The following HMCN2 variants were observed in gnomAD, a reference collection of about 807,000 sequenced individuals.
HMCN2 encodes hemicentin-2.
A neutral mutation model predicts 377.5 loss-of-function variants in HMCN2; 325 were observed. The ratio of observed to expected loss-of-function variants is 0.86; its 90% confidence interval spans 0.79 to 0.94. HMCN2 has a LOEUF of 0.94. Among genes scored for constraint, HMCN2 ranks in the 40% least tolerant of loss-of-function variants. The probability of loss-of-function intolerance (pLI) is 0.00; values close to 1 mark genes in which losing one functional copy is unlikely to be tolerated. For synonymous variants in HMCN2, 2,007 were observed against 2,046.8 expected, an observed-to-expected ratio of 0.98 and a Z score of 0.53; for missense variants, 4,543 against 4,725.3, an observed-to-expected ratio of 0.96 and a Z score of 1.13.
chr9:130,398,743 G>A (rs1477678545), intron 75 of HMCN2, 36 bp downstream of exon 75: 4 of 1,281,060 alleles, frequency 3.1e-6, no homozygotes, highest in South Asian at 2.5e-5. Flanking sequence ...TTCCTGAGAC[G>A]CACAGGGCGG....
rs2131769811 is a variant in HMCN2 at position 130,414,823 on chromosome 9, T to C, written c.12962-3949T>C. On this transcript the variant is annotated intron_variant, in intron 85 of 97. Coordinates refer to ENST00000683500, the MANE Select transcript of HMCN2 (RefSeq NM_001291815.2). This position sits in a 1 kb window ranked among gnomAD's most constrained non-coding sequence, Gnocchi z 4.4. ...AGAGACAGGGTCTCCTTATGTTGCC[T>C]AAGCCAGTCTCAAACTCCTGGGCTC... Among the ~76,000 whole-genome samples the C allele has an allele frequency of 6.6e-6, 1 of 152,200 alleles. No homozygotes were observed. Among genetic ancestry groups the C allele is most frequent in the Middle Eastern group, 3.4e-3 (1 of 294 alleles).
chr9:130,426,819 C>A (rs551777126), intron 90 of HMCN2, among the ~76,000 whole-genome samples: 17 of 150,506 alleles, frequency 1.1e-4, no homozygotes. Context: ...TTATGTGTGA[C>A]CCAAGGCAAT....
chr9:130,403,634 C>T (rs1842957922), intron 79 of HMCN2, 107 bp from the exon 80 acceptor site: 2 of 1,142,052 alleles, frequency 1.8e-6, no homozygotes, highest in Non-Finnish European at 2.3e-6. Context: ...CATTCTGTGA[C>T]CCCAGCAAGT....
intron 82 of HMCN2, chr9:130,406,744 G>A (rs1564864735): frequency 6.4e-6 from 1 of 157,254 alleles, no homozygotes; most frequent in Non-Finnish European, 1.4e-5. Flanking sequence ...TCCTGGGGAG[G>A]GACCTTGGGC....
rs527520218 is a variant in HMCN2, at chr9:130,390,478, G to C, written c.9524-499G>C. Among the ~76,000 whole-genome samples the C allele has an allele frequency of 3.4e-4, 52 of 152,380 alleles. No individual in the cohort carries two copies. The South Asian group carries it at 3.9e-3, about 12-fold the overall frequency. ...GGATCCATGAGGATCTGGGCAAGGA[G>C]ATCGTCCTGGGCTGGGGCCGTGAGA... On this transcript the variant is annotated intron_variant, in intron 62 of 97. Coordinates refer to ENST00000683500, the MANE Select transcript of HMCN2 (RefSeq NM_001291815.2).
intron 4 of HMCN2, among the ~76,000 whole-genome samples, chr9:130,290,176 C>T (rs17521100): frequency 1.3e-5 from 2 of 152,166 alleles, no homozygotes; most frequent in South Asian, 2.1e-4. Context: ...AATGAAGGCT[C>T]TCTGCGCTGG....
intron 15 of HMCN2, among the ~76,000 whole-genome samples, chr9:130,317,876 G>T (rs1041880190): frequency 3.1e-4 from 47 of 152,184 alleles, no homozygotes; most frequent in African/African-American, 1.1e-3. Context: ...AATTGAAAGC[G>T]GTCTGGGAGG....
intron 85 of HMCN2, among the ~76,000 whole-genome samples, chr9:130,416,639 C>T (rs1025653366): frequency 6.6e-6 from 1 of 152,130 alleles, no homozygotes; most frequent in Non-Finnish European, 1.5e-5. Flanking sequence ...TTACGCACGC[C>T]CTCCAGTGAA....
chr9:130,398,725 G>A lies in HMCN2; in HGVS notation c.11483+18G>A, dbSNP rs776187954. 2.2e-4 allele frequency: 288 copies of A among 1,287,738 alleles called. No homozygotes were observed. The highest frequency in any genetic ancestry group is 1.1e-3 in the Admixed American group (50 of 43,488). The allele number at this position is 1,287,738 out of a possible 1,614,324, so 79.8% of individuals were successfully genotyped here. A position where few individuals can be genotyped will look rare whatever the true frequency, so the allele number is the denominator to read the frequency against. The stretch of plus-strand genomic sequence containing the variant: ...GCCTACCGGTAACGAGCTGGACTTT[G>A]CGGTGGCTTCCTGAGACGCACAGGG... On this transcript the variant is annotated intron_variant, in intron 75 of 97. Coordinates refer to ENST00000683500, the MANE Select transcript of HMCN2 (RefSeq NM_001291815.2).
In HMCN2 at chr9:130,427,515, G is replaced by A; in HGVS notation, c.13961G>A (p.Gly4654Glu). 5 of 1,550,500 alleles carry A rather than the reference G, an allele frequency of 3.2e-6. No homozygotes were observed. Among genetic ancestry groups the A allele is most frequent in the Non-Finnish European group, 4.4e-6 (5 of 1,146,952 alleles). ...GCCCCAGACAGGGACGAGTGCTCAG[G>A]AGGCCCTAGCCCCTGCTCCCATGCC... ...AFCVDRDECSGGPSPCSHACL... is the reference protein window; with the variant it reads ...AFCVDRDECSEGPSPCSHACL... Residue 4654 changes from glycine to glutamate, a missense_variant, in exon 92 of 98, where the codon GGA (glycine) becomes GAA (glutamate). Physicochemically the swap from Gly to Glu is moderately conservative, Grantham distance 98. Around this residue, in one of 5 missense-constraint regions of HMCN2, gnomAD observed 1,155 missense variants for 1,157.7 expected, o/e 1.00. Coordinates refer to ENST00000683500, the MANE Select transcript of HMCN2 (RefSeq NM_001291815.2).
chr9:130,363,958 AAG>A (rs1473660419), intron 40 of HMCN2, among the ~76,000 whole-genome samples: 15 of 151,966 alleles, frequency 9.9e-5, no homozygotes, highest in South Asian at 6.3e-4. Context: ...GAAAGAAAAA[AAG>A]AGAAGGAAGG....
chr9:130,384,300 T>G, intron 57 of HMCN2, 73 bp from the exon 58 acceptor site: 1 of 1,191,838 alleles, frequency 8.4e-7, no homozygotes, highest in Non-Finnish European at 1.1e-6. Flanking sequence ...GGCTCAGGGT[T>G]TCTCTTGGGC....
rs957954534 is a variant in HMCN2 at position 130,379,273 on chromosome 9, G to T, written c.8237G>T (p.Gly2746Val). Residue 2746 changes from glycine (G) to valine (V), a missense_variant, in exon 54 of 98, where the codon GGT (glycine) becomes GTT (valine). Physicochemically the swap from Gly to Val is moderately radical, Grantham distance 109. This residue lies in a region of HMCN2 where 736 missense variants were observed against 773.2 expected (regional missense o/e 0.95). Coordinates refer to ENST00000683500, the MANE Select transcript of HMCN2 (RefSeq NM_001291815.2). ...GTGCCCCCCATGTTCCAGAAGGTGG[G>T]TGATTTCAGTGCAGCCTTCGAGATC... ...IQVPPMFQKVGDFSAAFEILS... is the reference protein window; with the variant it reads ...IQVPPMFQKVVDFSAAFEILS... The T allele has an allele frequency of 9.1e-6, 9 of 985,684 alleles. No individual in the cohort carries two copies. The highest frequency in any genetic ancestry group is 5.2e-4 in the Middle Eastern group (1 of 1,938). The allele number at this position is 985,684 out of a possible 1,614,324, so 61.1% of individuals were successfully genotyped here.
chr9:130,301,250 G>A (rs544400503), intron 8 of HMCN2, among the ~76,000 whole-genome samples: 2 of 152,338 alleles, frequency 1.3e-5, no homozygotes, highest in South Asian at 4.1e-4. Flanking sequence ...TCTTCCCTTG[G>A]CCTTTGCAGC....
chr9:130,311,454 C>G (rs1461069135), intron 15 of HMCN2, among the ~76,000 whole-genome samples: 2 of 152,162 alleles, frequency 1.3e-5, no homozygotes, highest in African/African-American at 4.8e-5. Flanking sequence ...TGTGCCAGGC[C>G]CTGTGCTGGG....
In HMCN2 at chr9:130,304,610, A is replaced by C. The variant is rs1418081390; in HGVS notation, c.1544-120A>C. The C allele has an allele frequency of 1.1e-5, 4 of 366,006 alleles. No individual in the cohort carries two copies. Among genetic ancestry groups the C allele is most frequent in the African/African-American group, 8.4e-5 (4 of 47,406 alleles). 22.7% of individuals were successfully genotyped at this position (366,006 alleles called of 1,614,324 possible). A position where few individuals can be genotyped will look rare whatever the true frequency, so the allele number is the denominator to read the frequency against. On this transcript the variant is annotated intron_variant, in intron 10 of 97. Transcript: ENST00000683500. The surrounding 1 kb of genome is among the most constrained non-coding windows in gnomAD (Gnocchi z 4.3). ...TATGCTGCTAGCTGACATGTCCTGA[A>C]TGATCTGGTTCGGGTGGGCCTGCAC...
rs886819678 is a variant in HMCN2 at position 130,407,688 on chromosome 9, G to T, written c.12671G>T (p.Ser4224Ile). ...AGAGTGGGCCGCACGCAGGCGGTCAGCTTCGTCCACGTGAAGGGTAGGGCA... is the reference window on the plus strand; with the variant it reads ...AGAGTGGGCCGCACGCAGGCGGTCATCTTCGTCCACGTGAAGGGTAGGGCA... ...ENRVGRTQAV[S>I]FVHVKEAPVL... is the part of the protein sequence containing the mutation. Residue 4224 changes from serine to isoleucine, a missense_variant, in exon 83 of 98, where the codon AGC (serine) becomes ATC (isoleucine). By Grantham distance (142) the Ser-to-Ile change is moderately radical (BLOSUM62 -2). This residue lies in a region of HMCN2 where 1,073 missense variants were observed against 1,319.5 expected (regional missense o/e 0.81). Coordinates refer to ENST00000683500, the MANE Select transcript of HMCN2 (RefSeq NM_001291815.2). 1 of 1,252,858 alleles carries T rather than the reference G, an allele frequency of 8.0e-7. No homozygotes were observed. The highest frequency in any genetic ancestry group is 1.5e-5 in the African/African-American group (1 of 64,712). The allele number at this position is 1,252,858 out of a possible 1,614,324, so 77.6% of individuals were successfully genotyped here.
At chr9:130,365,750 A>AG (rs1840658327) in intron 42 of HMCN2, 23 bp downstream of exon 42, 1 of 983,012 alleles carries the variant, frequency 1.0e-6, no homozygotes, top group African/African-American at 1.7e-5. Flanking sequence ...CAGGCTGGGC[A>AG]GGGGGAGGGG....
chr9:130,407,509 G>T, intron 82 of HMCN2, 62 bp from the exon 83 acceptor site: 1 of 1,256,966 alleles, frequency 8.0e-7, no homozygotes. Flanking sequence ...CAGGTACCCA[G>T]GCACCAGGGA....
Sources: allele counts gnomAD v4.1 joint callset (sites outside exome capture counted in the v4.1 genomes callset), GRCh38; gene constraint gnomAD v4.1.1; regional missense constraint gnomAD v4.1.1; non-coding constraint Gnocchi (gnomAD v3.1); transcripts MANE v1.5; gene names NCBI Gene and HGNC (gene_info 2026-07-23, HGNC 2026-07-21).